NTM: variants seen among roughly 807,000 people sequenced by gnomAD.
NTM encodes neurotrimin.
NTM carries 13 observed loss-of-function variants against 42.1 expected under a neutral mutation model. The ratio of observed to expected loss-of-function variants is 0.31; its 90% CI spans 0.20 to 0.49. The LOEUF is 0.49. NTM is among the 20% of genes least tolerant of loss of function. The pLI is 0.99. For missense variants in NTM, 373 were observed against 452.8 expected (o/e 0.82, Z 1.60); for synonymous variants, 187 against 179.2 (o/e 1.04, Z -0.35).
intron 1 of NTM, among the ~76,000 whole-genome samples, chr11:131,568,244 A>T (rs2057092464): frequency 6.6e-6 from 1 of 152,242 alleles, no homozygotes; most frequent in Non-Finnish European, 1.5e-5. Flanking sequence ...GGCATTGACC[A>T]CATACCGGGC....
intron 5 of NTM, among the ~76,000 whole-genome samples, 161 bp downstream of exon 5, chr11:132,307,984 C>T (rs962020033): frequency 8.5e-5 from 13 of 152,178 alleles, no homozygotes; most frequent in Admixed American, 2.6e-4. Context: ...ATTTCAAACT[C>T]GAGTTTTTGA....
intron 2 of NTM, among the ~76,000 whole-genome samples, chr11:132,113,487 G>A (rs536475399): frequency 2.4e-4 from 36 of 152,118 alleles, no homozygotes; most frequent in African/African-American, 5.8e-4. Flanking sequence ...CAAAACAAGC[G>A]TTTGCTTGCA....
In NTM at chr11:131,600,815, C is replaced by T. The variant is rs78046297; in HGVS notation, c.82+229927C>T. Among the ~76,000 whole-genome samples the T allele has an allele frequency of 7.4e-4, 112 of 152,052 alleles. 1 individual carries two copies. The East Asian group carries it at 0.017, about 23-fold the overall frequency. On this transcript the variant is annotated intron_variant, in intron 1 of 8. Transcript: ENST00000683400. Reference sequence around the variant, plus strand: ...GGCCCATAATCCCTGCCAAGCCTTACGTGTCACTACTCTTCTGTATAAACA... The same window carrying T: ...GGCCCATAATCCCTGCCAAGCCTTATGTGTCACTACTCTTCTGTATAAACA...
intron 1 of NTM, among the ~76,000 whole-genome samples, chr11:131,530,761 C>T (rs888256018): frequency 6.6e-6 from 1 of 152,184 alleles, no homozygotes; most frequent in African/African-American, 2.4e-5. Flanking sequence ...CTGACCCTAA[C>T]TCCCTCCCCT....
chr11:132,240,567 G>A (rs370274856), intron 4 of NTM, among the ~76,000 whole-genome samples: 2 of 152,306 alleles, frequency 1.3e-5, no homozygotes, highest in African/African-American at 4.8e-5. Flanking sequence ...CCAAACATGG[G>A]TGGAACCCTC....
chr11:132,257,462 C>A, intron 4 of NTM, among the ~76,000 whole-genome samples: 1 of 152,240 alleles, frequency 6.6e-6, no homozygotes, highest in East Asian at 1.9e-4. Context: ...CAGGTAAGAG[C>A]TAACGGCATC....
At chr11:131,820,735 C>A (rs1172809684) in intron 1 of NTM, among the ~76,000 whole-genome samples, 1 of 152,110 alleles carries the variant, frequency 6.6e-6, no homozygotes, top group Non-Finnish European at 1.5e-5. Flanking sequence ...ATATTAAATA[C>A]CAGGTGTATT....
intron 2 of NTM, among the ~76,000 whole-genome samples, chr11:131,976,303 T>C (rs2064374840): frequency 1.3e-5 from 2 of 151,964 alleles, no homozygotes; most frequent in Non-Finnish European, 2.9e-5. Context: ...GTACAGGAGA[T>C]GGGTTGTTCT....
intron 1 of NTM, among the ~76,000 whole-genome samples, chr11:131,392,689 G>A (rs928282724): frequency 3.3e-5 from 5 of 152,166 alleles, no homozygotes; most frequent in African/African-American, 9.7e-5. Context: ...CAGTCTGGAC[G>A]CCTGTTGCCT....
chr11:132,105,218 A>G (rs1236229604), intron 2 of NTM, among the ~76,000 whole-genome samples: 1 of 151,630 alleles, frequency 6.6e-6, no homozygotes, highest in Non-Finnish European at 1.5e-5. Flanking sequence ...TGAGACCTGA[A>G]GTCTGAACAT....
intron 2 of NTM, among the ~76,000 whole-genome samples, chr11:132,019,097 A>T (rs2073913528): frequency 6.6e-6 from 1 of 151,928 alleles, no homozygotes; most frequent in African/African-American, 2.4e-5. Context: ...TCCAACAAAA[A>T]ATGTGTCAGT....
chr11:132,043,482 T>G (rs2077479137), intron 2 of NTM, among the ~76,000 whole-genome samples: 1 of 152,190 alleles, frequency 6.6e-6, no homozygotes. Context: ...GTACAATTAT[T>G]GAAGTCCAGG....
intron 1 of NTM, among the ~76,000 whole-genome samples, chr11:131,863,130 G>A (rs935848846): frequency 2.6e-5 from 4 of 152,170 alleles, no homozygotes; most frequent in Non-Finnish European, 5.9e-5. Context: ...TTTGGAAGGT[G>A]GAACCAAAAT....
intron 4 of NTM, among the ~76,000 whole-genome samples, chr11:132,272,846 T>A (rs2093546795): frequency 6.6e-6 from 1 of 152,104 alleles, no homozygotes; most frequent in African/African-American, 2.4e-5. Context: ...CCAGTTTGCT[T>A]TTTATTACAT....
intron 1 of NTM, among the ~76,000 whole-genome samples, chr11:131,428,129 C>A (rs893981995): frequency 6.6e-6 from 1 of 152,214 alleles, no homozygotes; most frequent in African/African-American, 2.4e-5. Context: ...GCCTCTCAAA[C>A]TCAGTATGTA....
intron 1 of NTM, among the ~76,000 whole-genome samples, chr11:131,600,280 C>G (rs2060360587): frequency 6.6e-6 from 1 of 152,228 alleles, no homozygotes; most frequent in East Asian, 1.9e-4. Context: ...TACGGAATAA[C>G]ACAGGATGAA....
chr11:131,913,087 C>T (rs1284235197), intron 2 of NTM, among the ~76,000 whole-genome samples: 2 of 152,208 alleles, frequency 1.3e-5, no homozygotes, highest in East Asian at 3.8e-4. Context: ...CCTTCCCCCA[C>T]TCAGAAATGA....
intron 1 of NTM, among the ~76,000 whole-genome samples, chr11:131,717,164 A>G (rs1386122929): frequency 6.6e-6 from 1 of 152,168 alleles, no homozygotes; most frequent in East Asian, 1.9e-4. Context: ...TTCAAATCAG[A>G]TAGTGGTAGG....
intron 4 of NTM, among the ~76,000 whole-genome samples, chr11:132,307,156 G>A (rs978211825): frequency 5.3e-5 from 8 of 152,254 alleles, no homozygotes; most frequent in Non-Finnish European, 8.8e-5. Flanking sequence ...TTAATTGTCT[G>A]AGTCAAAAAA....
Sources: allele counts gnomAD v4.1 joint callset (sites outside exome capture counted in the v4.1 genomes callset), GRCh38; gene constraint gnomAD v4.1.1; transcripts MANE v1.5; gene names NCBI Gene and HGNC (gene_info 2026-07-23, HGNC 2026-07-21).